LPA: variants seen among roughly 807,000 people sequenced by gnomAD.
LPA encodes lipoprotein(a).
LPA carries 199 observed loss-of-function variants against 197.9 expected under a neutral mutation model. The observed-to-expected ratio is 1.01, with a 90% CI of 0.90 to 1.13. The LOEUF (loss-of-function observed/expected upper bound fraction) is 1.13. LPA is among the 50% of genes most tolerant of loss of function. The probability of loss-of-function intolerance (pLI) is 0.00; values close to 1 mark genes in which losing one functional copy is unlikely to be tolerated. For synonymous variants in LPA, 715 were observed against 639.5 expected (o/e 1.12, Z -1.78); for missense variants, 1,853 against 1,785.8 (o/e 1.04, Z -0.68).
At chr6:160,650,260 A>G in intron 2 of LPA, 78 bp downstream of exon 2, 1 of 1,436,074 alleles carries the variant, frequency 7.0e-7, no homozygotes. Flanking sequence ...AATCATAAGA[A>G]GTTAGCTTGA....
chr6:160,652,932 G>C (rs1159428749), intron 1 of LPA, among the ~76,000 whole-genome samples: 1 of 152,020 alleles, frequency 6.6e-6, no homozygotes. Flanking sequence ...AAGTCGTGGA[G>C]ATAAACTCAA....
At chr6:160,582,552 T>G (rs1296044909) in intron 26 of LPA, among the ~76,000 whole-genome samples, 12 of 152,120 alleles carry the variant, frequency 7.9e-5, no homozygotes. Context: ...GCATCAGTCA[T>G]TTGTGTCACT....
rs753144966 is a variant in LPA, at chr6:160,606,598, C to T, written c.2664G>A (p.Thr888=). Residue 888 remains threonine, a synonymous_variant, in exon 17 of 39, where the codon ACG becomes ACA. Coordinates refer to ENST00000316300, the MANE Select transcript of LPA (RefSeq NM_005577.4). ...PDPVAAPYCY[T]RDPSVRWEYC... ...ACTCCCACCTGACACTGGGATCCCTCGTATAACAATAAGGGGCTGCCACAG... is the reference window on the plus strand; with the variant it reads ...ACTCCCACCTGACACTGGGATCCCTTGTATAACAATAAGGGGCTGCCACAG... 8.1e-6 allele frequency: 13 copies of T among 1,613,746 alleles called. No individual in the cohort carries two copies. The East Asian group carries it at 1.3e-4, about 17-fold the overall frequency.
intron 16 of LPA, 43 bp downstream of exon 16, chr6:160,611,519 C>T: frequency 1.2e-6 from 2 of 1,605,380 alleles, no homozygotes; most frequent in African/African-American, 1.3e-5. Context: ...ACAGAAACTT[C>T]AGTTGGCCCT....
chr6:160,548,780 G>A, intron 30 of LPA, 121 bp from the exon 31 acceptor site: 1 of 1,005,142 alleles, frequency 9.9e-7, no homozygotes, highest in East Asian at 2.5e-5. Context: ...TCCCATTAAA[G>A]GTATCATACA....
chr6:160,590,368 A>G (rs1344515448), intron 23 of LPA, among the ~76,000 whole-genome samples: 1 of 152,176 alleles, frequency 6.6e-6, no homozygotes, highest in Non-Finnish European at 1.5e-5. Flanking sequence ...GGGCAAGAAC[A>G]CTAAGAAATC....
intron 24 of LPA, among the ~76,000 whole-genome samples, chr6:160,586,962 AGT>A (rs1778923531): frequency 6.6e-6 from 1 of 152,194 alleles, no homozygotes; most frequent in South Asian, 2.1e-4. Flanking sequence ...GGGATTTTGA[AGT>A]GTGTCTTGGA....
At position 160,593,827 on chromosome 6, in the gene LPA, G is replaced by A. The variant is rs1452693826; in HGVS notation, c.3629+131C>T. 10 of 1,153,550 alleles carry A rather than the reference G, an allele frequency of 8.7e-6. No homozygotes were observed. In the East Asian group the frequency reaches 1.7e-4, roughly 19 times the overall value. The allele number at this position is 1,153,550 out of a possible 1,614,324, so 71.5% of individuals were successfully genotyped here. On this transcript the variant is annotated intron_variant, in intron 22 of 38. Coordinates refer to ENST00000316300, the MANE Select transcript of LPA (RefSeq NM_005577.4). ...TCAGACACTGTGCCTGAAGAAAGAA[G>A]CCTGAGACATTCTACCCAACATTCC... is the stretch of plus-strand genomic sequence containing the variant.
At chr6:160,543,372 C>A (rs1355555088) in intron 33 of LPA, among the ~76,000 whole-genome samples, 1 of 152,016 alleles carries the variant, frequency 6.6e-6, no homozygotes, top group African/African-American at 2.4e-5. Flanking sequence ...AGAGGGTGTT[C>A]AAAAATGCTT....
intron 7 of LPA, among the ~76,000 whole-genome samples, chr6:160,634,877 G>A (rs1442544065): frequency 1.3e-5 from 2 of 150,162 alleles, no homozygotes; most frequent in Non-Finnish European, 2.9e-5. Context: ...TTAGAAGGAG[G>A]TGAGTTGTGA....
chr6:160,646,938 T>G (rs1213369993), intron 2 of LPA, among the ~76,000 whole-genome samples: 1 of 152,076 alleles, frequency 6.6e-6, no homozygotes, highest in Non-Finnish European at 1.5e-5. Context: ...CAAAACCTAG[T>G]GAAAAGGCTC....
intron 28 of LPA, among the ~76,000 whole-genome samples, chr6:160,561,096 A>G (rs1177684157): frequency 2.0e-5 from 3 of 151,994 alleles, no homozygotes; most frequent in Admixed American, 6.6e-5. Flanking sequence ...TTTTTAGTAG[A>G]GATGGGCTTT....
intron 28 of LPA, among the ~76,000 whole-genome samples, chr6:160,576,389 T>TGG (rs1491162769): frequency 2.8e-5 from 2 of 70,462 alleles, no homozygotes; most frequent in African/African-American, 1.0e-4. Context: ...TATATATATA[T>TGG]GTATATATAT....
At chr6:160,597,339 A>T (rs1358757932) in intron 20 of LPA, among the ~76,000 whole-genome samples, 2 of 152,220 alleles carry the variant, frequency 1.3e-5, no homozygotes, top group African/African-American at 4.8e-5. Context: ...TTTTTCAATC[A>T]TACATCACAA....
Position 160,589,657 on chromosome 6 carries a change from A to T in LPA, c.3843T>A (p.Ser1281Arg), listed in dbSNP as rs1562334081. The T allele has an allele frequency of 4.3e-6, 7 of 1,613,876 alleles. No individual in the cohort carries two copies. The South Asian group carries it at 6.6e-5, about 15-fold the overall frequency. ...CAGTGGTGGAGAATGAGCCTCGATA[A>T]CTCTGTCCATCACCATGGTAGCAGT... Reference protein sequence around the residue: ...VQDCYHGDGQSYRGSFSTTVT... With the variant: ...VQDCYHGDGQRYRGSFSTTVT... Residue 1281 changes from serine (S) to arginine (R), a missense_variant, in exon 24 of 39, where the codon AGT becomes AGA. Transcript: ENST00000316300.
chr6:160,611,440 T>C, intron 16 of LPA, 122 bp downstream of exon 16: 6 of 1,518,230 alleles, frequency 4.0e-6, no homozygotes, highest in Middle Eastern at 2.3e-4. Flanking sequence ...TCCTGAGACA[T>C]TTTGCTACAC....
intron 21 of LPA, among the ~76,000 whole-genome samples, 191 bp from the exon 22 acceptor site, chr6:160,594,308 T>G (rs1779089073): frequency 6.6e-6 from 1 of 152,224 alleles, no homozygotes; most frequent in Non-Finnish European, 1.5e-5. Flanking sequence ...TAACGAGTTC[T>G]TAGAAAGATT....
intron 16 of LPA, among the ~76,000 whole-genome samples, chr6:160,608,819 TTG>T (rs10526739): frequency 0.069 from 10,277 of 149,162 alleles, 1,182 homozygotes; most frequent in African/African-American, 0.23. Flanking sequence ...TTCTTGAGGG[TTG>T]TGTGTGTGTG....
intron 1 of LPA, among the ~76,000 whole-genome samples, chr6:160,661,847 AAC>A (rs1396611456): frequency 6.6e-6 from 1 of 152,234 alleles, no homozygotes; most frequent in Non-Finnish European, 1.5e-5. Context: ...GTGACTTCAA[AAC>A]ACACAATAAA....
Sources: allele counts gnomAD v4.1 joint callset (sites outside exome capture counted in the v4.1 genomes callset), GRCh38; gene constraint gnomAD v4.1.1; transcripts MANE v1.5; gene names NCBI Gene and HGNC (gene_info 2026-07-23, HGNC 2026-07-21).